The following CACNA1I variants were observed in gnomAD, a reference collection of about 807,000 sequenced individuals.
CACNA1I encodes the protein calcium voltage-gated channel subunit alpha1 I, also known as voltage-dependent T-type calcium channel subunit alpha-1I.
A neutral mutation model predicts 201.6 loss-of-function variants in CACNA1I; 74 were observed. The observed-to-expected ratio is 0.37, with a 90% CI of 0.30 to 0.45. The LOEUF is 0.45. Ranked by LOEUF, CACNA1I falls within the 20% of genes least tolerant of loss-of-function variation. The pLI is 1.00. For missense variants in CACNA1I, 2,346 were observed against 3,138.1 expected (o/e 0.75, Z 6.03); for synonymous variants, 1,431 against 1,345.2 (o/e 1.06, Z -1.40).
intron 1 of CACNA1I, among the ~76,000 whole-genome samples, chr22:39,574,049 C>T (rs924897594): frequency 6.6e-6 from 1 of 152,158 alleles, no homozygotes; most frequent in Non-Finnish European, 1.5e-5. Flanking sequence ...TGGTGGGATA[C>T]GGACTCTCTT....
intron 3 of CACNA1I, among the ~76,000 whole-genome samples, chr22:39,613,983 G>T (rs531010785): frequency 2.6e-5 from 4 of 152,224 alleles, no homozygotes; most frequent in African/African-American, 9.6e-5. Flanking sequence ...GATTACAGGC[G>T]TGCGCCACCA....
intron 1 of CACNA1I, among the ~76,000 whole-genome samples, chr22:39,595,156 G>T (rs530209008): frequency 1.1e-4 from 17 of 152,046 alleles, no homozygotes; most frequent in African/African-American, 3.6e-4. Context: ...GGGCGTGGTG[G>T]CGGGCGCCTG....
chr22:39,663,986 G>A (rs752848106), intron 19 of CACNA1I, 105 bp from the exon 20 acceptor site: 16 of 1,511,494 alleles, frequency 1.1e-5, no homozygotes, highest in East Asian at 2.3e-5. Context: ...CGTGAACTGA[G>A]AGGTGGCAGC....
In CACNA1I at chr22:39,686,598, G is replaced by A; in HGVS notation, c.*193G>A. Reference sequence around the variant, plus strand: ...CGTGGCCCATGGTGGCCCTTCCAGTGCATATACATACATATATATATATAT... The same window carrying A: ...CGTGGCCCATGGTGGCCCTTCCAGTACATATACATACATATATATATATAT... On this transcript the variant is annotated 3_prime_UTR_variant, in exon 37 of 37. Coordinates refer to ENST00000402142, the MANE Select transcript of CACNA1I (RefSeq NM_021096.4). 4.9e-6 allele frequency: 1 copy of A among 204,012 alleles called. No individual in the cohort carries two copies. The highest frequency in any genetic ancestry group is 9.2e-6 in the Non-Finnish European group (1 of 108,636). 12.6% of individuals were successfully genotyped at this position (204,012 alleles called of 1,614,324 possible).
At chr22:39,652,170 A>T (rs542050329) in intron 10 of CACNA1I, among the ~76,000 whole-genome samples, 1 of 152,084 alleles carries the variant, frequency 6.6e-6, no homozygotes, top group South Asian at 2.1e-4. Context: ...CTCCCAGCTA[A>T]TTTTTAGTAG....
In CACNA1I at chr22:39,686,249, C is replaced by T. The variant is rs1191173361; in HGVS notation, c.6516C>T (p.His2172=). 3 of 1,252,720 alleles carry T rather than the reference C, an allele frequency of 2.4e-6. No homozygotes were observed. Among genetic ancestry groups the T allele is most frequent in the Admixed American group, 8.3e-5 (2 of 24,062 alleles). The allele number at this position is 1,252,720 out of a possible 1,614,324, so 77.6% of individuals were successfully genotyped here. The change falls in exon 37 of 37, where the codon CAC becomes CAT. Residue 2172 remains histidine, a synonymous_variant. Coordinates refer to ENST00000402142, the MANE Select transcript of CACNA1I (RefSeq NM_021096.4). ...GCCCCCACGCCGCCGCCCTGGCCCA[C>T]GGCCTGGCCCGGAGCCCCTCGTGGG... ...PGRPHAAALA[H]GLARSPSWAA... is the part of the protein sequence containing the mutation.
intron 3 of CACNA1I, among the ~76,000 whole-genome samples, chr22:39,614,471 G>A (rs1933472921): frequency 6.6e-6 from 1 of 152,238 alleles, no homozygotes. Flanking sequence ...GCCTTCCTTT[G>A]TGTTGGCAAA....
At chr22:39,662,723 A>T in intron 17 of CACNA1I, 53 bp from the exon 18 acceptor site, 3 of 1,305,078 alleles carry the variant, frequency 2.3e-6, no homozygotes, top group Non-Finnish European at 3.2e-6. Context: ...ATGGGCGGAG[A>T]CCGGCAACCC....
chr22:39,646,806 C>G lies in CACNA1I; in HGVS notation c.1387C>G (p.Arg463Gly), dbSNP rs764588498. 6.4e-7 allele frequency: 1 copy of G among 1,553,446 alleles called. No homozygotes were observed. Among genetic ancestry groups the G allele is most frequent in the Non-Finnish European group, 8.7e-7 (1 of 1,149,004 alleles). ...GGGCCTCTACCAGGCCCTGCAGAGC[C>G]GGCGCCAGGCCCTGGGCCCGGAGGC... is the stretch of plus-strand genomic sequence containing the variant. ...ALGLYQALQSRRQALGPEAPA... is the reference protein window; with the variant it reads ...ALGLYQALQSGRQALGPEAPA... Residue 463 changes from arginine to glycine, a missense_variant, in exon 8 of 37, where the codon CGG (arginine) becomes GGG (glycine). Physicochemically the swap from Arg to Gly is moderately radical, Grantham distance 125 (BLOSUM62 -2). This residue lies in a region of CACNA1I where 312 missense variants were observed against 331.5 expected (regional missense o/e 0.94). Coordinates refer to ENST00000402142, the MANE Select transcript of CACNA1I (RefSeq NM_021096.4).
At position 39,681,015 on chromosome 22, in the gene CACNA1I, A is replaced by T; in HGVS notation, c.5627A>T (p.Asp1876Val). 1.2e-6 allele frequency: 2 copies of T among 1,610,818 alleles called. No individual in the cohort carries two copies. The highest frequency in any genetic ancestry group is 1.7e-6 in the Non-Finnish European group (2 of 1,179,282). Residue 1876 changes from aspartate to valine, a missense_variant, in exon 34 of 37, where the codon GAC becomes GTC. Transcript: ENST00000402142. ...CTGGGTGACGACCTGAGTCTCGAGG[A>T]CCCCACAGCCTGCCCACCTGGCCGC... ...ILLGDDLSLE[D>V]PTACPPGRKD...
At chr22:39,664,059 C>G in intron 19 of CACNA1I, 32 bp from the exon 20 acceptor site, 1 of 1,607,020 alleles carries the variant, frequency 6.2e-7, no homozygotes, top group Non-Finnish European at 8.5e-7. Context: ...TCTGGGAGCC[C>G]CTGAGCCTAT....
intron 1 of CACNA1I, chr22:39,587,741 A>G (rs1932772391): frequency 2.2e-6 from 1 of 451,636 alleles, no homozygotes; most frequent in Non-Finnish European, 4.5e-6. Flanking sequence ...GTGCCCTAGC[A>G]GGTGCCTGTG....
At chr22:39,645,532 G>A (rs946607285) in intron 7 of CACNA1I, among the ~76,000 whole-genome samples, 1 of 152,184 alleles carries the variant, frequency 6.6e-6, no homozygotes, top group Non-Finnish European at 1.5e-5. Context: ...TGGACAAGGT[G>A]ACTGAGACAA....
At chr22:39,623,325 AGTGT>A (rs1025559660) in intron 4 of CACNA1I, among the ~76,000 whole-genome samples, 2 of 151,150 alleles carry the variant, frequency 1.3e-5, no homozygotes, top group South Asian at 4.2e-4. Flanking sequence ...TACATGGGAG[AGTGT>A]GTGTGCATGT....
In CACNA1I at chr22:39,616,938, G is replaced by A. The variant is rs184678054; in HGVS notation, c.483-2372G>A. On this transcript the variant is annotated intron_variant, in intron 3 of 36. Transcript: ENST00000402142. ...TCCTAGACTGGGTGGGGAAGGTGGA[G>A]CCTGGTGGCCGTGTAGGGGAGGGGA... Among the ~76,000 whole-genome samples, 1,050 of 152,242 alleles carry A rather than the reference G, an allele frequency of 6.9e-3. 9 individuals carry two copies. The highest frequency in any genetic ancestry group is 0.012 in the Non-Finnish European group (824 of 68,008).
chr22:39,585,961 C>T (rs947346671), intron 1 of CACNA1I, among the ~76,000 whole-genome samples: 1 of 151,594 alleles, frequency 6.6e-6, no homozygotes, highest in Non-Finnish European at 1.5e-5. Flanking sequence ...GGGTGGATCA[C>T]GAGGTCAGGA....
chr22:39,601,634 A>G (rs1933034132), intron 3 of CACNA1I, among the ~76,000 whole-genome samples: 1 of 151,942 alleles, frequency 6.6e-6, no homozygotes, highest in Non-Finnish European at 1.5e-5. Flanking sequence ...CCTCGTGTGT[A>G]GAATGCTATT....
rs986066645 is a variant in CACNA1I, at chr22:39,666,781, A to G, written c.4104+775A>G. On this transcript the variant is annotated intron_variant, in intron 23 of 36. Coordinates refer to ENST00000402142, the MANE Select transcript of CACNA1I (RefSeq NM_021096.4). The surrounding 1 kb of genome is among the most constrained non-coding windows in gnomAD (Gnocchi z 4.1). ...ATCCCACTGGAGGGCTTGCCCCACA[A>G]TGGCACCTGGGAGGGGAGCCACAGG... Among the ~76,000 whole-genome samples the G allele has an allele frequency of 2.6e-5, 4 of 152,162 alleles. No individual in the cohort carries two copies. Among genetic ancestry groups the G allele is most frequent in the East Asian group, 1.9e-4 (1 of 5,172 alleles).
chr22:39,664,960 A>T (rs775515568), intron 21 of CACNA1I, 37 bp downstream of exon 21: 8 of 1,596,328 alleles, frequency 5.0e-6, no homozygotes, highest in Non-Finnish European at 6.8e-6. Context: ...GGAAAGTGTC[A>T]TGCACTGTAC....
Sources: gnomAD v4.1 joint callset for allele counts (sites outside exome capture counted in the v4.1 genomes callset) on GRCh38, gnomAD v4.1.1 for gene constraint, gnomAD v4.1.1 regional missense constraint, Gnocchi (gnomAD v3.1) non-coding constraint, MANE v1.5 for transcripts, NCBI Gene and HGNC (gene_info 2026-07-23, HGNC 2026-07-21) for gene names.